CNOT6L: variants seen among roughly 807,000 people sequenced by gnomAD.
CNOT6L encodes the protein CCR4-NOT transcription complex subunit 6 like, also known as CCR4-NOT transcription complex subunit 6-like.
In CNOT6L, 7 loss-of-function variants were observed where a neutral mutation model predicts 64.0. The observed-to-expected ratio is 0.11, with a 90% confidence interval of 0.06 to 0.21. The LOEUF is 0.21. Among genes scored for constraint, CNOT6L ranks in the 10% least tolerant of loss-of-function variants. The probability of loss-of-function intolerance (pLI) is 1.00; values close to 1 mark genes in which losing one functional copy is unlikely to be tolerated. For synonymous variants in CNOT6L, 193 were observed against 243.4 expected (o/e 0.79, Z 1.93); for missense variants, 245 against 669.0 (o/e 0.37, Z 6.99).
rs745435125 is a variant in CNOT6L, at chr4:77,717,436, A to C, written c.*2995T>G. 1 of 152,522 alleles carries C rather than the reference A, an allele frequency of 6.6e-6. No individual in the cohort carries two copies. The highest frequency in any genetic ancestry group is 1.5e-5 in the Non-Finnish European group (1 of 68,002). 9.4% of individuals were successfully genotyped at this position (152,522 alleles called of 1,614,324 possible). On this transcript the variant is annotated 3_prime_UTR_variant, in exon 12 of 12. Transcript: ENST00000504123. ...CCGGTTCTTAGACAAATATCGAAAT[A>C]ATATTTAACAGTTTTAAAAAAACAT...
In CNOT6L at chr4:77,717,994, G is replaced by A. The variant is rs1228768741; in HGVS notation, c.*2437C>T. On this transcript the variant is annotated 3_prime_UTR_variant, in exon 12 of 12. Coordinates refer to ENST00000504123, the MANE Select transcript of CNOT6L (RefSeq NM_144571.3). ...ACACCTTCCTGCAACAGAGTGCCTC[G>A]ATCATACACAAAATAAACTTAAGCT... 1 of 152,192 alleles carries A rather than the reference G, an allele frequency of 6.6e-6. No homozygotes were observed. Among genetic ancestry groups the A allele is most frequent in the African/African-American group, 2.4e-5 (1 of 41,290 alleles). 9.4% of individuals were successfully genotyped at this position (152,192 alleles called of 1,614,324 possible). A position where few individuals can be genotyped will look rare whatever the true frequency, so the allele number is the denominator to read the frequency against.
At chr4:77,757,566 G>A (rs1375402406) in intron 4 of CNOT6L, among the ~76,000 whole-genome samples, 1 of 152,072 alleles carries the variant, frequency 6.6e-6, no homozygotes, top group Non-Finnish European at 1.5e-5. Flanking sequence ...AATAAAGGAG[G>A]TATTCATTAA....
chr4:77,726,121 T>C (rs1410197025), intron 11 of CNOT6L, 46 bp downstream of exon 11: 2 of 1,511,854 alleles, frequency 1.3e-6, no homozygotes, highest in East Asian at 2.3e-5. Flanking sequence ...TGTTACATGC[T>C]TGTATCTGAA....
chr4:77,788,409 T>C (rs1729703145), intron 1 of CNOT6L, among the ~76,000 whole-genome samples: 1 of 152,210 alleles, frequency 6.6e-6, no homozygotes, highest in Admixed American at 6.5e-5. Context: ...AATACCTTTT[T>C]AAATGAGAAA....
At chr4:77,801,557 CAG>C (rs1731553116) in intron 1 of CNOT6L, among the ~76,000 whole-genome samples, 2 of 151,808 alleles carry the variant, frequency 1.3e-5, no homozygotes, top group Non-Finnish European at 2.9e-5. Flanking sequence ...TCAAGGAATA[CAG>C]TTTGATATAA....
At chr4:77,752,481 G>T (rs1724963310) in intron 5 of CNOT6L, among the ~76,000 whole-genome samples, 2 of 152,214 alleles carry the variant, frequency 1.3e-5, no homozygotes, top group East Asian at 3.9e-4. Flanking sequence ...TTAATCATCT[G>T]CAGAGGTAAT....
At chr4:77,742,094 T>C in intron 8 of CNOT6L, 47 bp downstream of exon 8, 1 of 1,545,578 alleles carries the variant, frequency 6.5e-7, no homozygotes, top group Non-Finnish European at 8.8e-7. Flanking sequence ...AGTGTAAGCA[T>C]TTAAATAAAT....
rs371788021 is a variant in CNOT6L at position 77,776,340 on chromosome 4, A to G, written c.58T>C (p.Tyr20His). 3.7e-6 allele frequency: 6 copies of G among 1,611,688 alleles called. No individual in the cohort carries two copies. In the African/African-American group the frequency reaches 5.3e-5, roughly 14 times the overall value. The change falls in exon 2 of 12, where the codon TAT becomes CAT. Residue 20 changes from tyrosine (Y) to histidine (H), a missense_variant. Tyr to His is a moderately conservative substitution (Grantham distance 83). Coordinates refer to ENST00000504123, the MANE Select transcript of CNOT6L (RefSeq NM_144571.3). ...ACCTCCTCTGCTGACATGATGGTAT[A>G]AATTCTGCGAGGATCTGGAGGATCA... ...KYDPPDPRRI[Y>H]TIMSAEEVAN...
At chr4:77,792,725 TA>T (rs77060039) in intron 1 of CNOT6L, among the ~76,000 whole-genome samples, 51 of 124,078 alleles carry the variant, frequency 4.1e-4, no homozygotes, top group Admixed American at 4.4e-4. Context: ...GACTCTGCCT[TA>T]AAAAAAAAAA....
intron 4 of CNOT6L, among the ~76,000 whole-genome samples, chr4:77,763,462 A>G (rs1294018847): frequency 6.6e-6 from 1 of 152,148 alleles, no homozygotes; most frequent in African/African-American, 2.4e-5. Context: ...TCATAAGATT[A>G]TAACAATATT....
chr4:77,794,474 T>C (rs1333315021), intron 1 of CNOT6L, among the ~76,000 whole-genome samples: 1 of 152,184 alleles, frequency 6.6e-6, no homozygotes, highest in Non-Finnish European at 1.5e-5. Context: ...GCAAGGTTGA[T>C]TTAACGTTCA....
At chr4:77,764,478 GTCATTTTA>G (rs1726586535) in intron 4 of CNOT6L, among the ~76,000 whole-genome samples, 1 of 152,134 alleles carries the variant, frequency 6.6e-6, no homozygotes, top group African/African-American at 2.4e-5. Flanking sequence ...CTATGGAGTA[GTCATTTTA>G]TTTTATTCCT....
chr4:77,727,096 TAGTA>T (rs553430325), intron 10 of CNOT6L, among the ~76,000 whole-genome samples: 2 of 152,302 alleles, frequency 1.3e-5, no homozygotes, highest in Admixed American at 1.3e-4. Flanking sequence ...TAAGGATTGA[TAGTA>T]AGATATAATG....
Position 77,718,108 on chromosome 4 carries a change from G to A in CNOT6L, c.*2323C>T, listed in dbSNP as rs1006566655. ...TTATTAATAAATGGGCTCCTCTGTG[G>A]TTCATATACAATCATAAGTGAACTT... On this transcript the variant is annotated 3_prime_UTR_variant, in exon 12 of 12. Coordinates refer to ENST00000504123, the MANE Select transcript of CNOT6L (RefSeq NM_144571.3). The A allele has an allele frequency of 2.0e-5, 3 of 152,228 alleles. No individual in the cohort carries two copies. The highest frequency in any genetic ancestry group is 1.3e-4 in the Admixed American group (2 of 15,192). The allele number at this position is 152,228 out of a possible 1,614,324, so 9.4% of individuals were successfully genotyped here. A position where few individuals can be genotyped will look rare whatever the true frequency, so the allele number is the denominator to read the frequency against.
chr4:77,752,766 G>GA (rs954505430), intron 5 of CNOT6L, among the ~76,000 whole-genome samples: 10 of 150,840 alleles, frequency 6.6e-5, no homozygotes, highest in Admixed American at 1.3e-4. Flanking sequence ...TATATTTGAG[G>GA]AAAAAAAAGC....
intron 1 of CNOT6L, among the ~76,000 whole-genome samples, chr4:77,776,633 G>T (rs1045010468): frequency 1.3e-5 from 2 of 152,162 alleles, no homozygotes; most frequent in Non-Finnish European, 2.9e-5. Context: ...ACTGGACTTT[G>T]CAATGAACAT....
intron 1 of CNOT6L, among the ~76,000 whole-genome samples, chr4:77,778,017 A>C (rs560196270): frequency 3.5e-4 from 53 of 152,320 alleles, no homozygotes; most frequent in African/African-American, 1.3e-3. Flanking sequence ...TAAGCTCTTC[A>C]ACTCTAATCT....
At position 77,717,546 on chromosome 4, in the gene CNOT6L, T is replaced by C. The variant is rs138990568; in HGVS notation, c.*2885A>G. On this transcript the variant is annotated 3_prime_UTR_variant, in exon 12 of 12. Coordinates refer to ENST00000504123, the MANE Select transcript of CNOT6L (RefSeq NM_144571.3). ...CCCAATGGCATAAAGCTTAACTCATTCTGATAACTAGAAAGTATATGAGCA... is the reference window on the plus strand; with the variant it reads ...CCCAATGGCATAAAGCTTAACTCATCCTGATAACTAGAAAGTATATGAGCA... The C allele has an allele frequency of 3.9e-5, 6 of 152,522 alleles. No homozygotes were observed. Among genetic ancestry groups the C allele is most frequent in the Non-Finnish European group, 8.8e-5 (6 of 68,026 alleles). 9.4% of individuals were successfully genotyped at this position (152,522 alleles called of 1,614,324 possible). A position where few individuals can be genotyped will look rare whatever the true frequency, so the allele number is the denominator to read the frequency against.
intron 1 of CNOT6L, among the ~76,000 whole-genome samples, chr4:77,795,886 T>G (rs1257690174): frequency 1.3e-5 from 2 of 152,194 alleles, no homozygotes; most frequent in Admixed American, 6.5e-5. Flanking sequence ...GAATCAATAT[T>G]AAGATGTTAT....
Sources: gnomAD v4.1 joint callset for allele counts (sites outside exome capture counted in the v4.1 genomes callset) on GRCh38, gnomAD v4.1.1 for gene constraint, MANE v1.5 for transcripts, NCBI Gene and HGNC (gene_info 2026-07-23, HGNC 2026-07-21) for gene names.